LGI2: variants seen among roughly 807,000 people sequenced by gnomAD.
LGI2 encodes leucine rich repeat LGI family member 2.
In LGI2, 30 loss-of-function variants were observed where a neutral mutation model predicts 52.0. That is an observed-to-expected ratio of 0.58 (90% CI 0.43 to 0.78). The LOEUF (loss-of-function observed/expected upper bound fraction) is 0.78. Among genes scored for constraint, LGI2 ranks in the 30% least tolerant of loss-of-function variants. The pLI is 0.00. For synonymous variants in LGI2, 270 were observed against 271.8 expected, an observed-to-expected ratio of 0.99 and a Z score of 0.06; for missense variants, 573 against 692.5, an observed-to-expected ratio of 0.83 and a Z score of 1.94.
intron 4 of LGI2, among the ~76,000 whole-genome samples, chr4:25,023,606 CCA>C (rs1355830874): frequency 6.6e-6 from 1 of 152,166 alleles, no homozygotes; most frequent in Non-Finnish European, 1.5e-5. Context: ...ATGACTATGT[CCA>C]CACTGTACCA....
chr4:25,030,454 G>A (rs778070451), intron 1 of LGI2, 43 bp downstream of exon 1: 15 of 1,551,322 alleles, frequency 9.7e-6, no homozygotes, highest in East Asian at 2.4e-5. Context: ...GGCGGACGCA[G>A]GGTGGGGCGG....
At chr4:25,030,462 C>T (rs1300723880) in intron 1 of LGI2, 35 bp downstream of exon 1, 3 of 1,125,114 alleles carry the variant, frequency 2.7e-6, no homozygotes, top group African/African-American at 1.6e-5. Context: ...CAGGGTGGGG[C>T]GGGACGGGAT....
rs781414280 is a variant in LGI2 at position 25,003,946 on chromosome 4, G to A, written c.1143C>T (p.Ile381=). The A allele has an allele frequency of 1.5e-5, 24 of 1,614,010 alleles. No homozygotes were observed. The highest frequency in any genetic ancestry group is 6.7e-5 in the East Asian group (3 of 44,886). ...FRDTDAEFVD[I]DGKSHLILSS... is the part of the protein sequence containing the mutation. ...ACAGGATGAGATGCGATTTTCCATC[G>A]ATATCAACAAACTCCGCATCCGTGT... The change falls in exon 8 of 8, where the codon ATC becomes ATT. Residue 381 remains isoleucine (I), a synonymous_variant. Transcript: ENST00000382114.
chr4:25,007,596 T>C (rs1251482988), intron 7 of LGI2, among the ~76,000 whole-genome samples: 1 of 149,392 alleles, frequency 6.7e-6, no homozygotes, highest in Non-Finnish European at 1.5e-5. Flanking sequence ...TGTGTGTGTG[T>C]GTGTGTGTGT....
rs910495167 is a variant in LGI2 at position 25,022,451 on chromosome 4, T to C, written c.413+2369A>G. ...GAGAGCTGAGGAGAGGCTTGACTTG[T>C]AGGCTTGACCGCGGGGTGGTCCTAC... On this transcript the variant is annotated intron_variant, in intron 4 of 7. Coordinates refer to ENST00000382114, the MANE Select transcript of LGI2 (RefSeq NM_018176.4). 4.6e-5 allele frequency among the ~76,000 whole-genome samples: 7 copies of C among 152,268 alleles called. No homozygotes were observed. In the East Asian group the frequency reaches 1.4e-3, roughly 29 times the overall value.
In LGI2 at chr4:25,024,818, ACAGGT is replaced by A; in HGVS notation, c.410_413+1del. The A allele has an allele frequency of 6.3e-7, 1 of 1,599,518 alleles. No individual in the cohort carries two copies. The highest frequency in any genetic ancestry group is 8.5e-7 in the Non-Finnish European group (1 of 1,172,986). The stretch of plus-strand genomic sequence containing the variant: ...ACTTACAATACTTTTCATAGGACTT[ACAGGT>A]GAGTCAGGTCACGGAGGCCACGAAA... On this transcript the variant is annotated splice_donor_variant and coding_sequence_variant, in exon 4 of 8. Coordinates refer to ENST00000382114, the MANE Select transcript of LGI2 (RefSeq NM_018176.4). LOFTEE classifies it high-confidence loss of function.
rs1459522670 is a variant in LGI2, at chr4:25,004,872, G to A, written c.821-604C>T. Among the ~76,000 whole-genome samples, 3 of 152,122 alleles carry A rather than the reference G, an allele frequency of 2.0e-5. No individual in the cohort carries two copies. Among genetic ancestry groups the A allele is most frequent in the East Asian group, 3.9e-4 (2 of 5,190 alleles). On this transcript the variant is annotated intron_variant, in intron 7 of 7. Transcript: ENST00000382114. This position sits in a 1 kb window ranked among gnomAD's most constrained non-coding sequence, Gnocchi z 4.6. ...TATAACATCATCCTTCACAATAGCCGAAAGGTGGAAGCAACCCAAGTTGCT... is the reference window on the plus strand; with the variant it reads ...TATAACATCATCCTTCACAATAGCCAAAAGGTGGAAGCAACCCAAGTTGCT...
intron 2 of LGI2, among the ~76,000 whole-genome samples, chr4:25,028,281 T>G (rs1726209531): frequency 6.6e-6 from 1 of 152,130 alleles, no homozygotes; most frequent in Non-Finnish European, 1.5e-5. Flanking sequence ...GGATCTACAA[T>G]AAAGTCTCTG....
intron 3 of LGI2, among the ~76,000 whole-genome samples, chr4:25,025,354 G>T (rs919860773): frequency 3.9e-5 from 6 of 152,106 alleles, no homozygotes; most frequent in Non-Finnish European, 5.9e-5. Context: ...TTTTTTGCTG[G>T]GGGAGAGTTC....
chr4:25,018,280 T>C (rs1296021014), intron 5 of LGI2, 122 bp from the exon 6 acceptor site: 10 of 684,526 alleles, frequency 1.5e-5, no homozygotes, highest in Non-Finnish European at 2.3e-5. Flanking sequence ...CCCCTAAAAA[T>C]GGAGTTTAAA....
chr4:25,004,371 G>C lies in LGI2; in HGVS notation c.821-103C>G. 9.9e-7 allele frequency: 1 copy of C among 1,010,572 alleles called. No homozygotes were observed. The highest frequency in any genetic ancestry group is 2.4e-4 in the Middle Eastern group (1 of 4,216). The allele number at this position is 1,010,572 out of a possible 1,614,324, so 62.6% of individuals were successfully genotyped here. On this transcript the variant is annotated intron_variant, in intron 7 of 7. Transcript: ENST00000382114. This position sits in a 1 kb window ranked among gnomAD's most constrained non-coding sequence, Gnocchi z 4.6. Reference sequence around the variant, plus strand: ...GCTGGTGGGAGTGTGAAATGGCACAGCCACTATGGAAAACAGTATGGTGGT... The same window carrying C: ...GCTGGTGGGAGTGTGAAATGGCACACCCACTATGGAAAACAGTATGGTGGT...
chr4:25,010,832 C>T (rs1199202068), intron 7 of LGI2, among the ~76,000 whole-genome samples: 1 of 152,208 alleles, frequency 6.6e-6, no homozygotes, highest in African/African-American at 2.4e-5. Context: ...CCTATAATCC[C>T]AGCACTTTGG....
intron 5 of LGI2, among the ~76,000 whole-genome samples, chr4:25,018,474 G>A (rs1445179526): frequency 6.6e-6 from 1 of 152,194 alleles, no homozygotes; most frequent in Non-Finnish European, 1.5e-5. Context: ...TATGATAGAA[G>A]AGCAGCCCCC....
At chr4:24,997,914 G>C (rs181659807), downstream of LGI2, among the ~76,000 whole-genome samples, 84 of 152,182 alleles carry the variant, frequency 5.5e-4, no homozygotes, top group Middle Eastern at 0.031. Flanking sequence ...GTCTCACTCT[G>C]ACACCCAGGT....
chr4:25,004,150 G>A lies in LGI2; in HGVS notation c.939C>T (p.Val313=). 3 of 1,614,144 alleles carry A rather than the reference G, an allele frequency of 1.9e-6. No homozygotes were observed. The highest frequency in any genetic ancestry group is 2.5e-6 in the Non-Finnish European group (3 of 1,180,036). The change falls in exon 8 of 8, where the codon GTC becomes GTT. Residue 313 remains valine, a synonymous_variant. Coordinates refer to ENST00000382114, the MANE Select transcript of LGI2 (RefSeq NM_018176.4). This position sits in a 1 kb window ranked among gnomAD's most constrained non-coding sequence, Gnocchi z 4.6. ...YKYDESWTKF[V]KFQDIEVSRI... is the part of the protein sequence containing the mutation. ...GAGAGACCTCTATGTCTTGGAATTT[G>A]ACAAATTTGGTCCAACTCTCGTCGT... is the stretch of plus-strand genomic sequence containing the variant.
rs2232029 is a variant in LGI2 at position 25,003,401 on chromosome 4, C to T, written c.*50G>A. On this transcript the variant is annotated 3_prime_UTR_variant, in exon 8 of 8. Coordinates refer to ENST00000382114, the MANE Select transcript of LGI2 (RefSeq NM_018176.4). ...TTGTTTGTTGATTTTTCTTGGTCCT[C>T]TTTTGTGAGAGCTAATGCTACATTT... is the stretch of plus-strand genomic sequence containing the variant. 232,239 of 1,326,374 alleles carry T rather than the reference C, an allele frequency of 0.18. 23,396 individuals carry two copies. The highest frequency in any genetic ancestry group is 0.4 in the East Asian group (17,012 of 42,702). 82.2% of individuals were successfully genotyped at this position (1,326,374 alleles called of 1,614,324 possible).
intron 2 of LGI2, among the ~76,000 whole-genome samples, chr4:25,028,216 C>G (rs562650302): frequency 6.6e-6 from 1 of 152,170 alleles, no homozygotes; most frequent in East Asian, 1.9e-4. Context: ...ATTTAGGTGA[C>G]TTTCAGGTCA....
chr4:24,992,327 G>C, the LGI2 span, among the ~76,000 whole-genome samples: 1 of 152,140 alleles, frequency 6.6e-6, no homozygotes, highest in African/African-American at 2.4e-5. Context: ...CATGTCCTAA[G>C]CTCCAGAGAG....
downstream of LGI2, among the ~76,000 whole-genome samples, chr4:24,996,201 T>C (rs1351051148): frequency 1.3e-5 from 2 of 152,238 alleles, no homozygotes; most frequent in African/African-American, 4.8e-5. Flanking sequence ...ATGGGTCATA[T>C]TATTTATTCA....
Sources: allele counts gnomAD v4.1 joint callset (sites outside exome capture counted in the v4.1 genomes callset), GRCh38; gene constraint gnomAD v4.1.1; non-coding constraint Gnocchi (gnomAD v3.1); transcripts MANE v1.5; gene names NCBI Gene and HGNC (gene_info 2026-07-23, HGNC 2026-07-21).